The following LMNTD1 variants were observed in gnomAD, a reference collection of about 807,000 sequenced individuals.
LMNTD1 encodes lamin tail domain containing 1, also known as lamin tail domain-containing protein 1.
A neutral mutation model predicts 50.9 loss-of-function variants in LMNTD1; 35 were observed. That is an observed-to-expected ratio of 0.69 (90% CI 0.53 to 0.91). The LOEUF is 0.91. Among genes scored for constraint, LMNTD1 ranks in the 40% least tolerant of loss-of-function variants. The pLI is 0.00. For synonymous variants in LMNTD1, 153 were observed against 161.9 expected (o/e 0.94, Z 0.42); for missense variants, 470 against 475.5 (o/e 0.99, Z 0.11).
chr12:25,552,036 A>G (rs1223796158), intron 2 of LMNTD1, among the ~76,000 whole-genome samples: 1 of 152,196 alleles, frequency 6.6e-6, no homozygotes, highest in East Asian at 1.9e-4. Flanking sequence ...CAAATATTTA[A>G]AAATGGACTT....
intron 1 of LMNTD1, among the ~76,000 whole-genome samples, chr12:25,602,940 T>C: frequency 6.6e-6 from 1 of 152,064 alleles, no homozygotes; most frequent in East Asian, 1.9e-4. Flanking sequence ...AAATTCACAC[T>C]GAAAAACATC....
intron 5 of LMNTD1, 146 bp from the exon 6 acceptor site, chr12:25,526,364 A>T (rs1392594809): frequency 4.2e-6 from 3 of 720,130 alleles, no homozygotes; most frequent in African/African-American, 1.8e-5. Flanking sequence ...GCTATGCAAC[A>T]CCAAACAGCT....
intron 1 of LMNTD1, among the ~76,000 whole-genome samples, chr12:25,589,164 G>A (rs1945624584): frequency 6.6e-6 from 1 of 151,932 alleles, no homozygotes; most frequent in African/African-American, 2.4e-5. Flanking sequence ...GCAAAGTTCT[G>A]GAAACAACCC....
intron 4 of LMNTD1, among the ~76,000 whole-genome samples, chr12:25,542,222 T>A (rs1247254588): frequency 6.6e-6 from 1 of 152,134 alleles, no homozygotes; most frequent in African/African-American, 2.4e-5. Context: ...CATTACTGGG[T>A]ATATACCCAA....
intron 1 of LMNTD1, among the ~76,000 whole-genome samples, chr12:25,559,537 T>A (rs1944199380): frequency 1.3e-5 from 2 of 152,226 alleles, no homozygotes. Context: ...GCAGCATGAT[T>A]TATAATCCTT....
chr12:25,600,975 T>G (rs1413814092), intron 1 of LMNTD1, among the ~76,000 whole-genome samples: 1 of 151,898 alleles, frequency 6.6e-6, no homozygotes, highest in Non-Finnish European at 1.5e-5. Flanking sequence ...AGGAAATCAG[T>G]ATATCAAGGA....
intron 1 of LMNTD1, among the ~76,000 whole-genome samples, chr12:25,582,762 A>T (rs954231320): frequency 4.7e-4 from 72 of 152,372 alleles, no homozygotes; most frequent in African/African-American, 1.7e-3. Flanking sequence ...TAGAGTTAGG[A>T]GATAGTTTGC....
intron 8 of LMNTD1, among the ~76,000 whole-genome samples, chr12:25,506,084 T>G (rs117992476): frequency 9.0e-4 from 137 of 152,356 alleles, no homozygotes; most frequent in Non-Finnish European, 1.7e-3. Context: ...CTAAGACAGA[T>G]AAGTCAGATC....
intron 8 of LMNTD1, among the ~76,000 whole-genome samples, chr12:25,506,738 T>C (rs10771224): frequency 0.47 from 70,319 of 149,830 alleles, 16,801 homozygotes; most frequent in East Asian, 0.64. Context: ...ATCAAAAAAT[T>C]GGTCTTATTT....
At chr12:25,520,098 G>C (rs1941180914) in intron 6 of LMNTD1, 23 bp from the exon 7 acceptor site, 1 of 1,454,236 alleles carries the variant, frequency 6.9e-7, no homozygotes, top group Non-Finnish European at 9.5e-7. Flanking sequence ...ATTTATTAAT[G>C]TTGGCTATGT....
chr12:25,558,694 A>G (rs1488594751), intron 1 of LMNTD1, among the ~76,000 whole-genome samples: 2 of 152,218 alleles, frequency 1.3e-5, no homozygotes, highest in African/African-American at 2.4e-5. Context: ...AGACAAAGGA[A>G]GGGCAAAGGG....
chr12:25,591,972 A>G (rs570632017), intron 1 of LMNTD1, among the ~76,000 whole-genome samples: 1 of 152,328 alleles, frequency 6.6e-6, no homozygotes, highest in East Asian at 1.9e-4. Context: ...TGAGTCTGCA[A>G]GAACCACAGA....
chr12:25,576,205 C>T (rs1324856814), intron 1 of LMNTD1, among the ~76,000 whole-genome samples: 1 of 152,100 alleles, frequency 6.6e-6, no homozygotes, highest in Non-Finnish European at 1.5e-5. Flanking sequence ...GGTATATGTC[C>T]AGTAATGGGA....
At chr12:25,557,904 C>T (rs902217074), upstream of LMNTD1, among the ~76,000 whole-genome samples, 10 of 152,170 alleles carry the variant, frequency 6.6e-5, no homozygotes, top group Non-Finnish European at 2.9e-5. Context: ...GCCTGTAACA[C>T]ATTATTGGAG....
At chr12:25,642,818 T>C (rs1946982895) in intron 1 of LMNTD1, among the ~76,000 whole-genome samples, 1 of 152,210 alleles carries the variant, frequency 6.6e-6, no homozygotes. Context: ...GTGGATTAAC[T>C]TCACTCTGGT....
chr12:25,635,482 T>C (rs532501123), intron 1 of LMNTD1, among the ~76,000 whole-genome samples: 36 of 152,236 alleles, frequency 2.4e-4, no homozygotes, highest in South Asian at 8.3e-4. Context: ...AAAGAAATCA[T>C]AGATGCACAC....
At chr12:25,573,972 A>G (rs948138624) in intron 1 of LMNTD1, among the ~76,000 whole-genome samples, 1 of 152,062 alleles carries the variant, frequency 6.6e-6, no homozygotes, top group Admixed American at 6.5e-5. Flanking sequence ...ACCACTGTTG[A>G]TTATTACTCA....
At chr12:25,616,786 A>G (rs1946361782) in intron 1 of LMNTD1, among the ~76,000 whole-genome samples, 1 of 152,190 alleles carries the variant, frequency 6.6e-6, no homozygotes, top group South Asian at 2.1e-4. Context: ...CTGGAAAAAA[A>G]GCGAAACTAT....
intron 9 of LMNTD1, among the ~76,000 whole-genome samples, chr12:25,489,929 G>A (rs1210081794): frequency 6.6e-6 from 1 of 152,100 alleles, no homozygotes; most frequent in African/African-American, 2.4e-5. Context: ...TTATTTTGAT[G>A]CCAAAGAGAA....
Sources: allele counts gnomAD v4.1 joint callset (sites outside exome capture counted in the v4.1 genomes callset), GRCh38; gene constraint gnomAD v4.1.1; transcripts MANE v1.5; gene names NCBI Gene and HGNC (gene_info 2026-07-23, HGNC 2026-07-21).